BCR: variants seen among roughly 807,000 people sequenced by gnomAD.
BCR encodes breakpoint cluster region protein.
In BCR, 58 loss-of-function variants were observed where a neutral mutation model predicts 138.6. That is an observed-to-expected ratio of 0.42 (90% CI 0.34 to 0.52). The LOEUF (loss-of-function observed/expected upper bound fraction) is 0.52, where lower values mean the gene tolerates loss of function less well. Ranked by LOEUF, BCR falls within the 20% of genes least tolerant of loss-of-function variation. The pLI, the probability that BCR is intolerant of heterozygous loss-of-function variation, is 0.06. For missense variants in BCR, 1,599 were observed against 1,727.2 expected (o/e 0.93, Z 1.32); for synonymous variants, 786 against 730.1 (o/e 1.08, Z -1.23).
intron 1 of BCR, among the ~76,000 whole-genome samples, chr22:23,206,360 G>A (rs2072613247): frequency 6.6e-6 from 1 of 152,132 alleles, no homozygotes; most frequent in South Asian, 2.1e-4. Context: ...GGATCACGAG[G>A]TCAGGAGATC....
At chr22:23,211,974 A>G (rs1281567615) in intron 1 of BCR, among the ~76,000 whole-genome samples, 1 of 151,354 alleles carries the variant, frequency 6.6e-6, no homozygotes, top group African/African-American at 2.4e-5. Flanking sequence ...CCCACTTCCC[A>G]CTGTCTGCAG....
chr22:23,213,782 A>G (rs118056345), intron 1 of BCR, among the ~76,000 whole-genome samples: 2,008 of 151,726 alleles, frequency 0.013, 79 homozygotes, highest in Non-Finnish European at 0.011. Context: ...ATAGTGAGCT[A>G]TGATTGCACC....
chr22:23,203,544 G>T (rs906584177), intron 1 of BCR, among the ~76,000 whole-genome samples: 1 of 152,300 alleles, frequency 6.6e-6, no homozygotes, highest in Middle Eastern at 3.4e-3. Context: ...GGTAATTCCC[G>T]ATTCCTTGAT....
chr22:23,209,022 G>A (rs769785408), intron 1 of BCR, among the ~76,000 whole-genome samples: 1 of 152,006 alleles, frequency 6.6e-6, no homozygotes, highest in Non-Finnish European at 1.5e-5. Flanking sequence ...TTCACGTAAC[G>A]TCATGTCCTC....
Position 23,207,095 on chromosome 22 carries a change from T to TC in BCR, c.1279+24858dup, listed in dbSNP as rs531606858. The stretch of plus-strand genomic sequence containing the variant: ...CATTCAGTCATCACCTATTCATCCA[T>TC]CCATTCATCCTCCAACCATTCATCT... On this transcript the variant is annotated intron_variant, in intron 1 of 22. Transcript: ENST00000305877. Among the ~76,000 whole-genome samples, 210 of 152,202 alleles carry TC rather than the reference T, an allele frequency of 1.4e-3. 1 individual carries two copies. Among genetic ancestry groups the TC allele is most frequent in the African/African-American group, 4.9e-3 (205 of 41,516 alleles).
chr22:23,290,819 C>G lies in BCR; in HGVS notation c.2782+406C>G, dbSNP rs2073777751. ...GCTGCTCTGTCGAGCTGGATGGATA[C>G]TACTTTTTTTTTCCTTTCCCTCTAA... On this transcript the variant is annotated intron_variant, in intron 14 of 22. Coordinates refer to ENST00000305877, the MANE Select transcript of BCR (RefSeq NM_004327.4). 3 of 226,702 alleles carry G rather than the reference C, an allele frequency of 1.3e-5. No individual in the cohort carries two copies. In the South Asian group the frequency reaches 2.2e-4, roughly 17 times the overall value. The allele number at this position is 226,702 out of a possible 1,614,324, so 14.0% of individuals were successfully genotyped here. A position where few individuals can be genotyped will look rare whatever the true frequency, so the allele number is the denominator to read the frequency against.
intron 1 of BCR, among the ~76,000 whole-genome samples, chr22:23,248,283 G>T (rs150499145): frequency 1.1e-4 from 16 of 151,870 alleles, no homozygotes; most frequent in African/African-American, 3.1e-4. Flanking sequence ...GGTGGAGGTT[G>T]CAGTGAGCCA....
chr22:23,293,692 T>C (rs2073814573), intron 15 of BCR, among the ~76,000 whole-genome samples: 1 of 151,862 alleles, frequency 6.6e-6, no homozygotes, highest in African/African-American at 2.4e-5. Flanking sequence ...CCACGGAAGC[T>C]CCGGGGAGGC....
At chr22:23,182,547 C>T (rs190457213) in intron 1 of BCR, among the ~76,000 whole-genome samples, 4 of 152,334 alleles carry the variant, frequency 2.6e-5, no homozygotes, top group Non-Finnish European at 5.9e-5. Flanking sequence ...AAGGAAGATG[C>T]TTCAGGCAGT....
intron 1 of BCR, among the ~76,000 whole-genome samples, chr22:23,245,361 T>G (rs1824160319): frequency 6.6e-6 from 1 of 152,040 alleles, no homozygotes; most frequent in Non-Finnish European, 1.5e-5. Flanking sequence ...GACCCTGACC[T>G]CTCTCTACCC....
intron 15 of BCR, among the ~76,000 whole-genome samples, chr22:23,294,045 A>G (rs2073818952): frequency 6.6e-6 from 1 of 152,200 alleles, no homozygotes; most frequent in African/African-American, 2.4e-5. Context: ...ATCAACCCCA[A>G]GGATCACTCT....
intron 1 of BCR, among the ~76,000 whole-genome samples, chr22:23,242,243 C>T (rs5759658): frequency 1.3e-5 from 2 of 152,052 alleles, no homozygotes; most frequent in Non-Finnish European, 2.9e-5. Flanking sequence ...AATTCTTGAG[C>T]AGTCACTGGG....
intron 5 of BCR, among the ~76,000 whole-genome samples, chr22:23,269,575 T>C (rs2073485544): frequency 6.6e-6 from 1 of 152,162 alleles, no homozygotes; most frequent in Non-Finnish European, 1.5e-5. Flanking sequence ...TCTCCAGTGG[T>C]GACAGTACCT....
intron 1 of BCR, among the ~76,000 whole-genome samples, chr22:23,201,699 C>T (rs959102218): frequency 1.3e-5 from 2 of 152,310 alleles, no homozygotes; most frequent in Middle Eastern, 3.4e-3. Context: ...TTGTGATCCG[C>T]CCTCCTCGGC....
intron 1 of BCR, chr22:23,199,390 A>G: frequency 2.0e-6 from 1 of 498,174 alleles, no homozygotes; most frequent in Non-Finnish European, 4.0e-6. Context: ...TGCTAAGGCC[A>G]CAGTCTCAGG....
At chr22:23,277,620 G>A (rs367804084) in intron 8 of BCR, among the ~76,000 whole-genome samples, 20 of 152,116 alleles carry the variant, frequency 1.3e-4, no homozygotes, top group East Asian at 9.6e-4. Context: ...TGGGTGTTTC[G>A]AGGTTCTCCT....
intron 8 of BCR, among the ~76,000 whole-genome samples, chr22:23,281,510 G>C (rs1337989182): frequency 6.6e-6 from 1 of 152,244 alleles, no homozygotes; most frequent in Admixed American, 6.5e-5. Context: ...GGCAGGGAGT[G>C]ACATAGGCCA....
chr22:23,282,207 A>AC (rs1173373018), intron 8 of BCR, among the ~76,000 whole-genome samples: 3 of 152,182 alleles, frequency 2.0e-5, no homozygotes, highest in African/African-American at 7.2e-5. Flanking sequence ...CCCACTGCAG[A>AC]CCCAGCAGTT....
intron 1 of BCR, among the ~76,000 whole-genome samples, chr22:23,238,568 G>A (rs1299480922): frequency 6.6e-6 from 1 of 152,098 alleles, no homozygotes; most frequent in Non-Finnish European, 1.5e-5. Flanking sequence ...ACCTTCATCT[G>A]TAAAATGGGG....
Sources: gnomAD v4.1 joint callset for allele counts (sites outside exome capture counted in the v4.1 genomes callset) on GRCh38, gnomAD v4.1.1 for gene constraint, MANE v1.5 for transcripts, NCBI Gene and HGNC (gene_info 2026-07-23, HGNC 2026-07-21) for gene names.